The following SLC44A1 variants were observed in gnomAD, a reference collection of about 807,000 sequenced individuals.
The protein encoded by SLC44A1 is solute carrier family 44 member 1.
A neutral mutation model predicts 79.3 loss-of-function variants in SLC44A1; 26 were observed. The ratio of observed to expected loss-of-function variants is 0.33; its 90% CI spans 0.24 to 0.46. The LOEUF is 0.46. Ranked by LOEUF, SLC44A1 falls within the 20% of genes least tolerant of loss-of-function variation. The pLI, the probability that SLC44A1 is intolerant of heterozygous loss-of-function variation, is 1.00. For missense variants in SLC44A1, 688 were observed against 798.1 expected, an observed-to-expected ratio of 0.86 and a Z score of 1.66; for synonymous variants, 263 against 286.2, an observed-to-expected ratio of 0.92 and a Z score of 0.82.
At chr9:105,249,477 T>C (rs899265966) in intron 1 of SLC44A1, among the ~76,000 whole-genome samples, 4 of 152,080 alleles carry the variant, frequency 2.6e-5, no homozygotes, top group Non-Finnish European at 5.9e-5. Flanking sequence ...CCTCAAAATA[T>C]GTAAATCAAA....
chr9:105,278,242 T>C (rs1184964432), intron 1 of SLC44A1, among the ~76,000 whole-genome samples: 1 of 151,560 alleles, frequency 6.6e-6, no homozygotes, highest in African/African-American at 2.4e-5. Context: ...TTTTTCTTTT[T>C]CTATTTATTT....
intron 15 of SLC44A1, among the ~76,000 whole-genome samples, chr9:105,433,947 G>A (rs1829431995): frequency 6.6e-6 from 1 of 152,118 alleles, no homozygotes; most frequent in Non-Finnish European, 1.5e-5. Flanking sequence ...CAAAGAGAAA[G>A]ACAACAACAA....
Position 105,313,443 on chromosome 9 carries a change from G to A in SLC44A1, c.269+3577G>A, listed in dbSNP as rs536109661. Among the ~76,000 whole-genome samples, 63 of 152,264 alleles carry A rather than the reference G, an allele frequency of 4.1e-4. 1 individual carries two copies. The highest frequency in any genetic ancestry group is 1.4e-3 in the African/African-American group (60 of 41,554). On this transcript the variant is annotated intron_variant, in intron 3 of 15. Transcript: ENST00000374720. ...CTTCAGCCACAGAGTCTCTCATAAGGCTGCACTTAAATTGTTGGTCAGGGC... is the reference window on the plus strand; with the variant it reads ...CTTCAGCCACAGAGTCTCTCATAAGACTGCACTTAAATTGTTGGTCAGGGC...
chr9:105,341,588 G>T (rs1043016524), intron 4 of SLC44A1, among the ~76,000 whole-genome samples: 1 of 152,084 alleles, frequency 6.6e-6, no homozygotes, highest in African/African-American at 2.4e-5. Context: ...TTTCCTAGGG[G>T]CAAGCTCATG....
At chr9:105,425,373 T>C (rs1025707583) in intron 15 of SLC44A1, among the ~76,000 whole-genome samples, 37 of 152,200 alleles carry the variant, frequency 2.4e-4, no homozygotes, top group African/African-American at 8.7e-4. Flanking sequence ...TGTGATGAAA[T>C]GTCGTAAAGG....
At chr9:105,254,183 T>C (rs1177311475) in intron 1 of SLC44A1, among the ~76,000 whole-genome samples, 2 of 152,246 alleles carry the variant, frequency 1.3e-5, no homozygotes, top group Non-Finnish European at 2.9e-5. Context: ...AGCAAGGACG[T>C]AAGTTCTCTC....
intron 15 of SLC44A1, among the ~76,000 whole-genome samples, chr9:105,430,872 A>G (rs971644946): frequency 6.6e-6 from 1 of 152,106 alleles, no homozygotes; most frequent in African/African-American, 2.4e-5. Context: ...CAGCTGCCCC[A>G]TTTTACATTC....
intron 3 of SLC44A1, among the ~76,000 whole-genome samples, chr9:105,334,293 C>A (rs1164848141): frequency 2.6e-5 from 4 of 151,552 alleles, no homozygotes; most frequent in African/African-American, 9.7e-5. Context: ...GCCGGGTTCC[C>A]AGTCCCCTTG....
chr9:105,391,983 T>A lies in SLC44A1; in HGVS notation c.*2927T>A. The A allele has an allele frequency of 4.1e-6, 4 of 985,376 alleles. No homozygotes were observed. The highest frequency in any genetic ancestry group is 2.4e-6 in the Non-Finnish European group (2 of 829,916). 61.0% of individuals were successfully genotyped at this position (985,376 alleles called of 1,614,324 possible). A position where few individuals can be genotyped will look rare whatever the true frequency, so the allele number is the denominator to read the frequency against. On this transcript the variant is annotated 3_prime_UTR_variant, in exon 16 of 16. Transcript: ENST00000374720. ...GATAATTAAGGCTCTGGTGCATAAT[T>A]TAGACTTTCTAAGCTCCTGCCTGAA...
intron 1 of SLC44A1, among the ~76,000 whole-genome samples, chr9:105,259,876 T>C (rs571559810): frequency 1.3e-5 from 2 of 152,296 alleles, no homozygotes; most frequent in East Asian, 3.9e-4. Flanking sequence ...TTTAAAAAGT[T>C]TATAGTTTAA....
intron 1 of SLC44A1, among the ~76,000 whole-genome samples, chr9:105,261,403 G>C (rs1159173056): frequency 6.6e-6 from 1 of 152,172 alleles, no homozygotes; most frequent in Non-Finnish European, 1.5e-5. Flanking sequence ...TTTTCTCAGT[G>C]CCTGCCTGGG....
chr9:105,361,643 G>C (rs968983759), intron 8 of SLC44A1, among the ~76,000 whole-genome samples: 1 of 152,104 alleles, frequency 6.6e-6, no homozygotes, highest in Admixed American at 6.6e-5. Context: ...TTTAAAAATG[G>C]TTCCCTTTAC....
At chr9:105,378,547 G>C (rs1315840027) in intron 13 of SLC44A1, among the ~76,000 whole-genome samples, 1 of 152,008 alleles carries the variant, frequency 6.6e-6, no homozygotes, top group Non-Finnish European at 1.5e-5. Context: ...TGCATTGCCA[G>C]ATTGCTTTCC....
At chr9:105,300,384 A>AC (rs1830846842) in intron 2 of SLC44A1, among the ~76,000 whole-genome samples, 1 of 152,016 alleles carries the variant, frequency 6.6e-6, no homozygotes, top group Middle Eastern at 3.2e-3. Context: ...TGTATTTTTA[A>AC]CCCCCTTCTT....
chr9:105,258,010 G>A (rs327998), intron 1 of SLC44A1, among the ~76,000 whole-genome samples: 31,192 of 152,078 alleles, frequency 0.21, 5,624 homozygotes, highest in African/African-American at 0.49. Flanking sequence ...GCCGCCCAGG[G>A]AGCTGTTCAG....
intron 2 of SLC44A1, among the ~76,000 whole-genome samples, chr9:105,307,784 A>G (rs1426849945): frequency 6.6e-6 from 1 of 152,230 alleles, no homozygotes; most frequent in African/African-American, 2.4e-5. Context: ...TGATTCACAC[A>G]TGTAAATATG....
chr9:105,342,336 A>G (rs941492778), intron 4 of SLC44A1, among the ~76,000 whole-genome samples: 1 of 152,298 alleles, frequency 6.6e-6, no homozygotes, highest in Non-Finnish European at 1.5e-5. Flanking sequence ...CACACTGTGT[A>G]TGCTACCCAC....
chr9:105,299,301 A>G lies in SLC44A1; in HGVS notation c.118A>G (p.Ile40Val), dbSNP rs764903680. ...GCTGCTGCTCTTCATCCTCTTCTGC[A>G]TTGGGATGGTAAGGAAACTCTCACA... Reference protein sequence around the residue: ...PWLLLFILFCIGMGFICGFSI... With the variant: ...PWLLLFILFCVGMGFICGFSI... The change falls in exon 2 of 16, where the codon ATT becomes GTT. Residue 40 changes from isoleucine to valine, a missense_variant. Physicochemically the swap from Ile to Val is conservative, Grantham distance 29 (BLOSUM62 3). Transcript: ENST00000374720. The G allele has an allele frequency of 6.3e-6, 10 of 1,581,350 alleles. No individual in the cohort carries two copies. Among genetic ancestry groups the G allele is most frequent in the Admixed American group, 1.9e-5 (1 of 51,844 alleles).
At chr9:105,298,039 G>T (rs1830775685) in intron 1 of SLC44A1, among the ~76,000 whole-genome samples, 2 of 151,984 alleles carry the variant, frequency 1.3e-5, no homozygotes, top group Admixed American at 1.3e-4. Context: ...AAGCTCAGGG[G>T]GGTTATTTCA....
Sources: gnomAD v4.1 joint callset for allele counts (sites outside exome capture counted in the v4.1 genomes callset) on GRCh38, gnomAD v4.1.1 for gene constraint, MANE v1.5 for transcripts, NCBI Gene and HGNC (gene_info 2026-07-23, HGNC 2026-07-21) for gene names.